The following LINGO2 variants were observed in gnomAD, a reference collection of about 807,000 sequenced individuals.
LINGO2 encodes the protein leucine-rich repeat and immunoglobulin-like domain-containing nogo receptor-interacting protein 2.
LINGO2 carries 14 observed loss-of-function variants against 30.6 expected under a neutral mutation model. The observed-to-expected ratio is 0.46, with a 90% CI of 0.30 to 0.72. The LOEUF (loss-of-function observed/expected upper bound fraction) is 0.72, where lower values mean the gene tolerates loss of function less well. Among genes scored for constraint, LINGO2 ranks in the 30% least tolerant of loss-of-function variants. The pLI is 0.07. For synonymous variants in LINGO2, 317 were observed against 288.5 expected, an observed-to-expected ratio of 1.10 and a Z score of -1.00; for missense variants, 729 against 751.7, an observed-to-expected ratio of 0.97 and a Z score of 0.35.
chr9:28,000,403 A>T (rs1033706330), intron 5 of LINGO2, among the ~76,000 whole-genome samples: 1 of 152,188 alleles, frequency 6.6e-6, no homozygotes, highest in Admixed American at 6.5e-5. Context: ...GGAGAAAAAG[A>T]AAAGGAAGGT....
the LINGO2 span, among the ~76,000 whole-genome samples, chr9:28,909,437 G>T: frequency 6.6e-6 from 1 of 151,912 alleles, no homozygotes; most frequent in Admixed American, 6.6e-5. Context: ...TAGCACATTA[G>T]TAATAGGTTT....
At chr9:28,444,004 G>A (rs977794240) in intron 2 of LINGO2, among the ~76,000 whole-genome samples, 3 of 152,054 alleles carry the variant, frequency 2.0e-5, no homozygotes, top group Admixed American at 6.5e-5. Flanking sequence ...TCTCCCTTCT[G>A]AGCCCATAAA....
At chr9:28,609,969 A>G (rs1002132445) in intron 1 of LINGO2, among the ~76,000 whole-genome samples, 3 of 152,140 alleles carry the variant, frequency 2.0e-5, no homozygotes, top group African/African-American at 7.2e-5. Context: ...TGTATTGTTA[A>G]ATGAAAATAG....
chr9:29,177,786 G>A, the LINGO2 span, among the ~76,000 whole-genome samples: 1 of 152,060 alleles, frequency 6.6e-6, no homozygotes, highest in African/African-American at 2.4e-5. Flanking sequence ...GAACAGTGAT[G>A]AATATAGTGT....
chr9:28,001,809 A>G (rs1821970569), intron 5 of LINGO2, among the ~76,000 whole-genome samples: 1 of 152,198 alleles, frequency 6.6e-6, no homozygotes, highest in Admixed American at 6.6e-5. Flanking sequence ...GTCAGGAAAA[A>G]AAGGATGATG....
At chr9:28,924,278 T>G in the LINGO2 span, among the ~76,000 whole-genome samples, 3 of 152,232 alleles carry the variant, frequency 2.0e-5, no homozygotes, top group Admixed American at 6.5e-5. Flanking sequence ...TGGAGAACAG[T>G]GGTGCAATCT....
chr9:28,188,552 A>T (rs978715537), intron 4 of LINGO2, among the ~76,000 whole-genome samples: 1 of 152,068 alleles, frequency 6.6e-6, no homozygotes, highest in South Asian at 2.1e-4. Flanking sequence ...CGGAAAAAAA[A>T]TTACTGTTAT....
intron 1 of LINGO2, among the ~76,000 whole-genome samples, chr9:28,664,158 T>C (rs1003193525): frequency 5.3e-5 from 8 of 152,080 alleles, no homozygotes; most frequent in Non-Finnish European, 7.4e-5. Flanking sequence ...GGAAAAAAAT[T>C]AAAACAGATA....
the LINGO2 span, among the ~76,000 whole-genome samples, chr9:29,175,784 C>T: frequency 6.6e-6 from 1 of 152,118 alleles, no homozygotes; most frequent in South Asian, 2.1e-4. Flanking sequence ...CTCAGCCTCC[C>T]AAAGCCGATA....
chr9:28,439,243 ATG>A (rs1219026200), intron 2 of LINGO2, among the ~76,000 whole-genome samples: 3 of 150,904 alleles, frequency 2.0e-5, no homozygotes, highest in African/African-American at 4.9e-5. Flanking sequence ...CATACTATAT[ATG>A]TGTGTGTGTA....
At chr9:28,946,626 C>G in the LINGO2 span, among the ~76,000 whole-genome samples, 1 of 152,070 alleles carries the variant, frequency 6.6e-6, no homozygotes. Flanking sequence ...TGAAACCATA[C>G]ATTGAAACCT....
chr9:29,049,813 C>T, the LINGO2 span, among the ~76,000 whole-genome samples: 1 of 151,988 alleles, frequency 6.6e-6, no homozygotes, highest in Admixed American at 6.6e-5. Context: ...ACAGTAGGGG[C>T]TGGAGGAGAG....
chr9:28,638,397 C>G lies in LINGO2; in HGVS notation c.-365+31803G>C, dbSNP rs564040811. On this transcript the variant is annotated intron_variant, in intron 1 of 5. Transcript: ENST00000379992. The stretch of plus-strand genomic sequence containing the variant: ...TGGAATAGTTTCAGAAGGAATGGTA[C>G]CAGCTCCTCCTTGTACCTCTGGTAG... Among the ~76,000 whole-genome samples, 16 of 152,192 alleles carry G rather than the reference C, an allele frequency of 1.1e-4. No individual in the cohort carries two copies. The East Asian group carries it at 2.5e-3, about 24-fold the overall frequency.
At chr9:28,814,732 A>G in the LINGO2 span, among the ~76,000 whole-genome samples, 1 of 152,044 alleles carries the variant, frequency 6.6e-6, no homozygotes, top group African/African-American at 2.4e-5. Context: ...CTAAAAATAC[A>G]ACAAAATTAG....
At chr9:28,813,496 C>T in the LINGO2 span, among the ~76,000 whole-genome samples, 1 of 152,124 alleles carries the variant, frequency 6.6e-6, no homozygotes, top group Admixed American at 6.6e-5. Flanking sequence ...AGCAAAACTG[C>T]AAATAACGAG....
chr9:28,138,710 T>C (rs1198009458), intron 4 of LINGO2, among the ~76,000 whole-genome samples: 3 of 152,194 alleles, frequency 2.0e-5, no homozygotes, highest in Non-Finnish European at 4.4e-5. Context: ...ACCTTACTAA[T>C]GCTAATATTA....
At chr9:28,831,848 A>G in the LINGO2 span, among the ~76,000 whole-genome samples, 8 of 152,304 alleles carry the variant, frequency 5.3e-5, no homozygotes, top group East Asian at 1.4e-3. Flanking sequence ...TGTTTTCTGT[A>G]TAAACAAATA....
the LINGO2 span, among the ~76,000 whole-genome samples, chr9:28,929,260 A>G: frequency 6.6e-6 from 1 of 152,224 alleles, no homozygotes; most frequent in South Asian, 2.1e-4. Context: ...ACTCAGCCCA[A>G]GCAGAGTTCA....
At chr9:28,513,009 C>G (rs1254983001) in intron 1 of LINGO2, among the ~76,000 whole-genome samples, 1 of 151,786 alleles carries the variant, frequency 6.6e-6, no homozygotes, top group Admixed American at 6.6e-5. Flanking sequence ...TTTGGCAACA[C>G]CCTCACAGAC....
Sources: gnomAD v4.1 joint callset for allele counts (sites outside exome capture counted in the v4.1 genomes callset) on GRCh38, gnomAD v4.1.1 for gene constraint, MANE v1.5 for transcripts, NCBI Gene and HGNC (gene_info 2026-07-23, HGNC 2026-07-21) for gene names.